SPECC1L: variants seen among roughly 807,000 people sequenced by gnomAD.
The protein encoded by SPECC1L is sperm antigen with calponin homology and coiled-coil domains 1 like.
SPECC1L carries 40 observed loss-of-function variants against 116.8 expected under a neutral mutation model. The ratio of observed to expected loss-of-function variants is 0.34; its 90% CI spans 0.27 to 0.45. The LOEUF is 0.45. Ranked by LOEUF, SPECC1L falls within the 20% of genes least tolerant of loss-of-function variation. The pLI is 1.00. For missense variants in SPECC1L, 1,110 were observed against 1,373.6 expected (o/e 0.81, Z 3.03); for synonymous variants, 504 against 500.6 (o/e 1.01, Z -0.09).
At chr22:24,318,758 G>A (rs1448066243) in intron 4 of SPECC1L, among the ~76,000 whole-genome samples, 3 of 151,936 alleles carry the variant, frequency 2.0e-5, no homozygotes, top group East Asian at 1.9e-4. Context: ...GTGAAACCCC[G>A]TCTCTACAAA....
At chr22:24,383,512 G>A (rs1472796378) in intron 14 of SPECC1L, among the ~76,000 whole-genome samples, 1 of 152,160 alleles carries the variant, frequency 6.6e-6, no homozygotes, top group South Asian at 2.1e-4. Context: ...AGGTGATCCA[G>A]ATATTGGAAC....
chr22:24,388,413 A>G (rs1175938375), intron 14 of SPECC1L, among the ~76,000 whole-genome samples: 3 of 151,052 alleles, frequency 2.0e-5, no homozygotes, highest in African/African-American at 7.3e-5. Flanking sequence ...AAGGACATGA[A>G]CTCATCATTT....
At chr22:24,328,567 G>C (rs1024881604) in intron 6 of SPECC1L, among the ~76,000 whole-genome samples, 1 of 152,122 alleles carries the variant, frequency 6.6e-6, no homozygotes, top group Non-Finnish European at 1.5e-5. Context: ...CCAACAAAGT[G>C]AATTTCTAAC....
chr22:24,311,350 A>G (rs115844413), intron 3 of SPECC1L, among the ~76,000 whole-genome samples: 2,190 of 152,334 alleles, frequency 0.014, 62 homozygotes, highest in African/African-American at 0.05. Context: ...TTAGCAGGAT[A>G]CAAAAGAAGA....
chr22:24,357,970 C>T (rs1357494803), intron 11 of SPECC1L, among the ~76,000 whole-genome samples: 2 of 152,040 alleles, frequency 1.3e-5, no homozygotes, highest in Non-Finnish European at 2.9e-5. Context: ...TCTTTTCTGC[C>T]ATTTCTAGGA....
chr22:24,352,636 C>T (rs1807184078), intron 11 of SPECC1L, among the ~76,000 whole-genome samples: 1 of 152,034 alleles, frequency 6.6e-6, no homozygotes, highest in Non-Finnish European at 1.5e-5. Context: ...ACAGAATTTT[C>T]TTTTTTACTC....
chr22:24,371,208 A>G (rs1220778477), intron 14 of SPECC1L, among the ~76,000 whole-genome samples: 2 of 152,250 alleles, frequency 1.3e-5, no homozygotes, highest in Non-Finnish European at 2.9e-5. Context: ...AAGACATTAT[A>G]CAACACTGCA....
chr22:24,413,677 T>C lies in SPECC1L; in HGVS notation c.3265-857T>C, dbSNP rs566579649. 1.8e-4 allele frequency among the ~76,000 whole-genome samples: 27 copies of C among 152,352 alleles called. No homozygotes were observed. The South Asian group carries it at 5.0e-3, about 28-fold the overall frequency. ...AGTTAAATATTCCCCCATTCCTGGA[T>C]ATTTTACAACACGTGTAAAGTTCCA... On this transcript the variant is annotated intron_variant, in intron 16 of 16. Coordinates refer to ENST00000314328, the MANE Select transcript of SPECC1L (RefSeq NM_015330.6).
intron 14 of SPECC1L, among the ~76,000 whole-genome samples, chr22:24,403,852 C>T (rs1000545074): frequency 2.0e-5 from 3 of 152,198 alleles, no homozygotes; most frequent in Non-Finnish European, 4.4e-5. Context: ...GCGAGGCATA[C>T]GGCCAGAGTC....
intron 2 of SPECC1L, among the ~76,000 whole-genome samples, chr22:24,300,633 C>T (rs1203679407): frequency 3.3e-5 from 5 of 152,204 alleles, no homozygotes; most frequent in Admixed American, 3.3e-4. Flanking sequence ...TTGCCAGCAT[C>T]TGCTGTTTCT....
At chr22:24,297,332 A>C (rs906585366) in intron 2 of SPECC1L, among the ~76,000 whole-genome samples, 3 of 151,990 alleles carry the variant, frequency 2.0e-5, no homozygotes, top group Non-Finnish European at 4.4e-5. Flanking sequence ...TTTTAAATGT[A>C]ATTTTAGTAG....
At chr22:24,353,196 A>G (rs1037841430) in intron 11 of SPECC1L, among the ~76,000 whole-genome samples, 1 of 152,210 alleles carries the variant, frequency 6.6e-6, no homozygotes, top group African/African-American at 2.4e-5. Context: ...GAATTTTACC[A>G]GTTTTTCCAC....
intron 13 of SPECC1L, among the ~76,000 whole-genome samples, chr22:24,368,717 G>A (rs899433512): frequency 1.3e-5 from 2 of 152,188 alleles, no homozygotes; most frequent in Admixed American, 6.5e-5. Flanking sequence ...CGTAATCTCA[G>A]CTCACTGCAA....
intron 2 of SPECC1L, among the ~76,000 whole-genome samples, chr22:24,294,187 A>G (rs1004216387): frequency 3.7e-5 from 4 of 109,480 alleles, no homozygotes; most frequent in African/African-American, 1.5e-4. Context: ...TTCGAGGTGT[A>G]CCTCCTACTT....
chr22:24,373,422 TAG>T (rs1217206458), intron 14 of SPECC1L, among the ~76,000 whole-genome samples: 1 of 151,556 alleles, frequency 6.6e-6, no homozygotes, highest in East Asian at 1.9e-4. Flanking sequence ...GGTACCAAAA[TAG>T]AGATATAGAC....
At chr22:24,377,282 G>C (rs984299652) in intron 14 of SPECC1L, among the ~76,000 whole-genome samples, 3 of 151,924 alleles carry the variant, frequency 2.0e-5, no homozygotes, top group Admixed American at 6.6e-5. Context: ...TTACACTTTT[G>C]GGGGGGTTAT....
chr22:24,330,175 C>A (rs2040911090), intron 7 of SPECC1L, 81 bp from the exon 8 acceptor site: 1 of 1,424,500 alleles, frequency 7.0e-7, no homozygotes, highest in Admixed American at 1.7e-5. Context: ...TATAGCAATC[C>A]AATCATAAAC....
chr22:24,308,424 G>A (rs562381103), intron 3 of SPECC1L, among the ~76,000 whole-genome samples: 1 of 152,178 alleles, frequency 6.6e-6, no homozygotes, highest in Admixed American at 6.5e-5. Flanking sequence ...TTGATAGGCT[G>A]CCCTCCAGAT....
intron 14 of SPECC1L, among the ~76,000 whole-genome samples, chr22:24,378,563 T>G (rs2042010713): frequency 6.6e-6 from 1 of 152,238 alleles, no homozygotes; most frequent in South Asian, 2.1e-4. Context: ...ATTTCTAGAT[T>G]TTGATTTAAA....
Sources: allele counts gnomAD v4.1 joint callset (sites outside exome capture counted in the v4.1 genomes callset), GRCh38; gene constraint gnomAD v4.1.1; transcripts MANE v1.5; gene names NCBI Gene and HGNC (gene_info 2026-07-23, HGNC 2026-07-21).